Variants in MGAT3 observed in about 807,000 individuals in gnomAD.
MGAT3 encodes beta-1,4-mannosyl-glycoprotein 4-beta-N-acetylglucosaminyltransferase.
MGAT3 carries 9 observed loss-of-function variants against 29.8 expected under a neutral mutation model. That is an observed-to-expected ratio of 0.30 (90% CI 0.18 to 0.53). MGAT3 has a LOEUF of 0.53. MGAT3 is among the 20% of genes least tolerant of loss of function. The pLI, the probability that MGAT3 is intolerant of heterozygous loss-of-function variation, is 0.96. For missense variants in MGAT3, 557 were observed against 769.5 expected, an observed-to-expected ratio of 0.72 and a Z score of 3.27; for synonymous variants, 397 against 348.9, an observed-to-expected ratio of 1.14 and a Z score of -1.54.
At chr22:39,484,385 T>G (rs1929212426) in intron 1 of MGAT3, among the ~76,000 whole-genome samples, 1 of 152,060 alleles carries the variant, frequency 6.6e-6, no homozygotes, top group Non-Finnish European at 1.5e-5. Flanking sequence ...TTGTTTGTTG[T>G]TTTTTGAGAC....
At chr22:39,471,953 G>A (rs908047513) in intron 1 of MGAT3, among the ~76,000 whole-genome samples, 15 of 152,208 alleles carry the variant, frequency 9.9e-5, no homozygotes, top group African/African-American at 3.4e-4. Flanking sequence ...GCAAGGGCTA[G>A]GAAGAGGGAG....
intron 1 of MGAT3, among the ~76,000 whole-genome samples, chr22:39,461,900 C>G (rs1928508756): frequency 6.6e-6 from 1 of 150,588 alleles, no homozygotes; most frequent in Non-Finnish European, 1.5e-5. Context: ...CACACTGACC[C>G]ACTCTTTTTT....
At chr22:39,465,856 T>C (rs978098482) in intron 1 of MGAT3, among the ~76,000 whole-genome samples, 5 of 149,498 alleles carry the variant, frequency 3.3e-5, no homozygotes, top group African/African-American at 1.2e-4. Context: ...CACTTGAACC[T>C]GGGCGGCAGA....
chr22:39,474,687 G>C (rs1928902335), intron 1 of MGAT3, among the ~76,000 whole-genome samples: 1 of 152,238 alleles, frequency 6.6e-6, no homozygotes, highest in African/African-American at 2.4e-5. Flanking sequence ...AAAGAGCCCT[G>C]TGCCTGAAAT....
intron 1 of MGAT3, among the ~76,000 whole-genome samples, chr22:39,460,787 A>T (rs1261442154): frequency 5.3e-5 from 8 of 152,042 alleles, no homozygotes; most frequent in African/African-American, 1.9e-4. Context: ...ACAGAGTGAG[A>T]CTCCATCTCA....
chr22:39,457,905 GCCTCCGGCGCGGCTCCCCCACAA>G lies in MGAT3; in HGVS notation c.-2+362_-2+384del, dbSNP rs1928383051. Among the ~76,000 whole-genome samples the G allele has an allele frequency of 6.6e-6, 1 of 151,514 alleles. No homozygotes were observed. The highest frequency in any genetic ancestry group is 1.5e-5 in the Non-Finnish European group (1 of 67,806). On this transcript the variant is annotated intron_variant, in intron 1 of 1. Transcript: ENST00000341184. This position sits in a 1 kb window ranked among gnomAD's most constrained non-coding sequence, Gnocchi z 6.8. Reference sequence around the variant, plus strand: ...CGTGCTTTGTGCGCGGCACCCCCCAGCCTCCGGCGCGGCTCCCCCACAACCTCCGGCGCGGCGCGGGGCTGGGG... The same window carrying G: ...CGTGCTTTGTGCGCGGCACCCCCCAGCCTCCGGCGCGGCGCGGGGCTGGGG...
intron 1 of MGAT3, among the ~76,000 whole-genome samples, chr22:39,465,592 C>T (rs1245303747): frequency 6.6e-6 from 1 of 152,190 alleles, no homozygotes; most frequent in Non-Finnish European, 1.5e-5. Flanking sequence ...CTGCTTAGCA[C>T]TCAATTTCCA....
intron 1 of MGAT3, among the ~76,000 whole-genome samples, chr22:39,471,105 G>A (rs1410296460): frequency 6.6e-6 from 1 of 151,874 alleles, no homozygotes; most frequent in Non-Finnish European, 1.5e-5. Flanking sequence ...CAAAGGCTCT[G>A]GCTGCCCCTC....
intron 1 of MGAT3, among the ~76,000 whole-genome samples, chr22:39,484,652 C>T (rs960318045): frequency 7.9e-5 from 12 of 151,938 alleles, no homozygotes; most frequent in African/African-American, 2.7e-4. Context: ...GGATTACAGG[C>T]GTGAGCCACC....
chr22:39,473,195 GTGC>G (rs1402876368), intron 1 of MGAT3, among the ~76,000 whole-genome samples: 1 of 152,192 alleles, frequency 6.6e-6, no homozygotes, highest in East Asian at 1.9e-4. Flanking sequence ...AGTCCTGTGT[GTGC>G]TGCTACCACA....
chr22:39,481,786 C>T (rs987036721), intron 1 of MGAT3, among the ~76,000 whole-genome samples: 1 of 152,212 alleles, frequency 6.6e-6, no homozygotes, highest in Non-Finnish European at 1.5e-5. Flanking sequence ...TTGTGCAATG[C>T]TGTGCAAGCG....
At chr22:39,462,006 A>G (rs1339641447) in intron 1 of MGAT3, among the ~76,000 whole-genome samples, 1 of 151,220 alleles carries the variant, frequency 6.6e-6, no homozygotes, top group Non-Finnish European at 1.5e-5. Context: ...GGTTCAAGTG[A>G]TTCTCCTCCC....
At chr22:39,483,228 C>T (rs1952752683) in intron 1 of MGAT3, among the ~76,000 whole-genome samples, 1 of 152,172 alleles carries the variant, frequency 6.6e-6, no homozygotes, top group South Asian at 2.1e-4. Context: ...GGCACAGTGG[C>T]CCACACCTGT....
rs546088165 is a variant in MGAT3, at chr22:39,469,009, G to A, written c.-2+11452G>A. Reference sequence around the variant, plus strand: ...TGTGGCTTTCGCTTGGCTCATGGGGGCCGGGTTGGGGGCCCATTGAGGAAG... The same window carrying A: ...TGTGGCTTTCGCTTGGCTCATGGGGACCGGGTTGGGGGCCCATTGAGGAAG... On this transcript the variant is annotated intron_variant, in intron 1 of 1. Transcript: ENST00000341184. Among the ~76,000 whole-genome samples, 5 of 152,062 alleles carry A rather than the reference G, an allele frequency of 3.3e-5. No homozygotes were observed. In the South Asian group the frequency reaches 1.0e-3, roughly 31 times the overall value.
At chr22:39,471,298 G>A (rs904567744) in intron 1 of MGAT3, among the ~76,000 whole-genome samples, 4 of 152,144 alleles carry the variant, frequency 2.6e-5, no homozygotes, top group African/African-American at 9.7e-5. Flanking sequence ...AAAGCCCGAA[G>A]TATGGGGGTC....
intron 1 of MGAT3, among the ~76,000 whole-genome samples, chr22:39,477,095 T>C (rs1356165658): frequency 6.6e-6 from 1 of 152,208 alleles, no homozygotes; most frequent in African/African-American, 2.4e-5. Flanking sequence ...CGACTCCCTC[T>C]GCCATACCCC....
intron 1 of MGAT3, chr22:39,475,686 C>T (rs888816335): frequency 1.0e-4 from 16 of 152,442 alleles, no homozygotes; most frequent in African/African-American, 3.9e-4. Flanking sequence ...AGGGTCCTCC[C>T]TCAGTGCAGC....
intron 1 of MGAT3, among the ~76,000 whole-genome samples, chr22:39,458,572 C>A (rs113131832): frequency 6.6e-6 from 1 of 152,126 alleles, no homozygotes; most frequent in African/African-American, 2.4e-5. Flanking sequence ...CCAGGAGCTG[C>A]AGCTCTGAGG....
At chr22:39,466,122 T>G (rs1382152792) in intron 1 of MGAT3, among the ~76,000 whole-genome samples, 2 of 152,116 alleles carry the variant, frequency 1.3e-5, no homozygotes, top group Non-Finnish European at 2.9e-5. Context: ...CTGCCCTGCT[T>G]CTTTCTCTGT....
Sources: gnomAD v4.1 joint callset for allele counts (sites outside exome capture counted in the v4.1 genomes callset) on GRCh38, gnomAD v4.1.1 for gene constraint, Gnocchi (gnomAD v3.1) non-coding constraint, MANE v1.5 for transcripts, NCBI Gene and HGNC (gene_info 2026-07-23, HGNC 2026-07-21) for gene names.